AMZ1: variants seen among roughly 807,000 people sequenced by gnomAD.
AMZ1 encodes the protein archaelysin family metallopeptidase 1, also known as archaemetzincin-1.
Under a neutral mutation model 29.9 loss-of-function variants are expected in AMZ1, and 39 were observed. The observed-to-expected ratio is 1.30, with a 90% CI of 1.01 to 1.70. The LOEUF (loss-of-function observed/expected upper bound fraction) is 1.70. AMZ1 is among the 40% of genes most tolerant of loss of function. The pLI is 0.00. For synonymous variants in AMZ1, 458 were observed against 304.0 expected (o/e 1.51, Z -5.27); for missense variants, 1,041 against 680.6 (o/e 1.53, Z -5.89).
chr7:2,694,991 G>A (rs1251405845), intron 1 of AMZ1, among the ~76,000 whole-genome samples: 1 of 152,082 alleles, frequency 6.6e-6, no homozygotes, highest in Non-Finnish European at 1.5e-5. Flanking sequence ...TATATATATT[G>A]GATAAATGAA....
chr7:2,747,040 C>A (rs1317164081), intron 4 of AMZ1, among the ~76,000 whole-genome samples: 3 of 151,954 alleles, frequency 2.0e-5, no homozygotes, highest in Non-Finnish European at 4.4e-5. Flanking sequence ...GCTTACCAAC[C>A]AAAAAAAGTC....
chr7:2,707,144 G>T (rs1354201381), intron 3 of AMZ1, among the ~76,000 whole-genome samples: 1 of 151,970 alleles, frequency 6.6e-6, no homozygotes, highest in East Asian at 1.9e-4. Flanking sequence ...GTGATGGCAC[G>T]TGCCTGTAAT....
At chr7:2,726,167 G>C (rs1789607502) in intron 4 of AMZ1, among the ~76,000 whole-genome samples, 1 of 152,342 alleles carries the variant, frequency 6.6e-6, no homozygotes, top group African/African-American at 2.4e-5. Context: ...GATTTGGAAA[G>C]GCTGCATGTG....
upstream of AMZ1, chr7:2,763,467 G>A (rs1034872250): frequency 6.6e-6 from 1 of 152,320 alleles, no homozygotes; most frequent in Non-Finnish European, 1.5e-5. Flanking sequence ...AAAGCTCCCC[G>A]AGCTCCCTCA....
At chr7:2,708,543 TC>T in intron 3 of AMZ1, 44 bp from the exon 4 acceptor site, 2 of 1,605,672 alleles carry the variant, frequency 1.2e-6, no homozygotes, top group Non-Finnish European at 8.5e-7. Flanking sequence ...AAGATGGGGG[TC>T]CCCGGCTGCC....
chr7:2,698,396 A>G (rs1434085346), intron 1 of AMZ1, among the ~76,000 whole-genome samples: 1 of 151,576 alleles, frequency 6.6e-6, no homozygotes, highest in Non-Finnish European at 1.5e-5. Context: ...AAATTAGCCT[A>G]GCATGGTCGG....
At chr7:2,751,086 G>C (rs1791011741) in intron 4 of AMZ1, among the ~76,000 whole-genome samples, 1 of 152,150 alleles carries the variant, frequency 6.6e-6, no homozygotes, top group Non-Finnish European at 1.5e-5. Context: ...GAAATCTGTT[G>C]CTTTACATGC....
intron 1 of AMZ1, among the ~76,000 whole-genome samples, chr7:2,694,452 A>T (rs1787584899): frequency 6.6e-6 from 1 of 152,092 alleles, no homozygotes; most frequent in Admixed American, 6.6e-5. Context: ...GCCAATTCTC[A>T]TAATAAATCC....
intron 3 of AMZ1, 82 bp downstream of exon 3, chr7:2,702,971 G>C: frequency 6.9e-7 from 1 of 1,455,658 alleles, no homozygotes; most frequent in Non-Finnish European, 9.1e-7. Flanking sequence ...GCCCAGGAGA[G>C]GAAGGGAACC....
At chr7:2,685,068 A>G (rs1371367329), upstream of AMZ1, among the ~76,000 whole-genome samples, 1 of 150,660 alleles carries the variant, frequency 6.6e-6, no homozygotes, top group Admixed American at 6.6e-5. Flanking sequence ...ATGGAGTTTC[A>G]CTGTGTTAGC....
At chr7:2,699,648 G>C (rs1787937710) in intron 1 of AMZ1, among the ~76,000 whole-genome samples, 1 of 152,184 alleles carries the variant, frequency 6.6e-6, no homozygotes, top group Non-Finnish European at 1.5e-5. Context: ...CTAGGTGATA[G>C]GGGCTCTGGG....
At chr7:2,744,747 T>C (rs933346462) in intron 4 of AMZ1, among the ~76,000 whole-genome samples, 17 of 151,922 alleles carry the variant, frequency 1.1e-4, no homozygotes, top group Admixed American at 1.0e-3. Flanking sequence ...TTCGAACCAA[T>C]GGCAAAGAAG....
intron 2 of AMZ1, among the ~76,000 whole-genome samples, chr7:2,701,316 C>A (rs936395784): frequency 8.6e-5 from 13 of 151,938 alleles, no homozygotes; most frequent in Non-Finnish European, 1.5e-4. Context: ...GGGAGAGGTC[C>A]CTTGACCTGT....
upstream of AMZ1, among the ~76,000 whole-genome samples, chr7:2,687,909 C>A (rs77570952): frequency 0.018 from 2,783 of 152,224 alleles, 80 homozygotes; most frequent in African/African-American, 0.064. Context: ...CTTCACCTGG[C>A]GCCTTGCAGA....
At chr7:2,689,453 A>G (rs75495625) in intron 1 of AMZ1, among the ~76,000 whole-genome samples, 2,082 of 152,130 alleles carry the variant, frequency 0.014, 40 homozygotes, top group African/African-American at 0.048. Context: ...GTCTGAGTTT[A>G]CCCATGGTAT....
chr7:2,702,828 C>T lies in AMZ1; in HGVS notation c.411C>T (p.Ala137=), dbSNP rs370765395. The T allele has an allele frequency of 3.8e-5, 59 of 1,567,778 alleles. No individual in the cohort carries two copies. The highest frequency in any genetic ancestry group is 1.7e-4 in the Middle Eastern group (1 of 6,006). ...LRVKCLPSVA[A]ASIRCSSRPS... ...TCAAGTGCCTGCCGTCGGTGGCAGC[C>T]GCGTCCATCCGCTGCTCCTCGCGGC... The change falls in exon 3 of 7, where the codon GCC becomes GCT. Residue 137 remains alanine (A), a synonymous_variant. Coordinates refer to ENST00000683327, the MANE Select transcript of AMZ1 (RefSeq NM_001384743.1).
rs73675027 is a variant in AMZ1, at chr7:2,708,118, C to A, written c.473-470C>A. ...CATCACAGGTGTGAGCCACTGTGCC[C>A]GGCCTTACCGAGGGTTCTTGTGATG... On this transcript the variant is annotated intron_variant, in intron 3 of 6. Coordinates refer to ENST00000683327, the MANE Select transcript of AMZ1 (RefSeq NM_001384743.1). 7.1e-3 allele frequency among the ~76,000 whole-genome samples: 1,088 copies of A among 152,250 alleles called. 16 individuals carry two copies. The highest frequency in any genetic ancestry group is 0.025 in the African/African-American group (1,045 of 41,530).
chr7:2,717,241 G>A lies in AMZ1; in HGVS notation c.*4363G>A, dbSNP rs1449314589. ...TGATTTGTTTTGTTTATAAAAGGAG[G>A]GCGAGGCCTGCACAGGAATATTTTT... On this transcript the variant is annotated 3_prime_UTR_variant, in exon 7 of 7. Transcript: ENST00000683327. Among the ~76,000 whole-genome samples the A allele has an allele frequency of 6.6e-6, 1 of 152,182 alleles. No individual in the cohort carries two copies. Among genetic ancestry groups the A allele is most frequent in the Non-Finnish European group, 1.5e-5 (1 of 68,034 alleles).
chr7:2,691,149 AAG>A (rs1787364443), intron 1 of AMZ1, among the ~76,000 whole-genome samples: 1 of 147,084 alleles, frequency 6.8e-6, no homozygotes, highest in South Asian at 2.1e-4. Context: ...AAAAAAAAAA[AAG>A]CATTTCTCAT....
Sources: gnomAD v4.1 joint callset for allele counts (sites outside exome capture counted in the v4.1 genomes callset) on GRCh38, gnomAD v4.1.1 for gene constraint, MANE v1.5 for transcripts, NCBI Gene and HGNC (gene_info 2026-07-23, HGNC 2026-07-21) for gene names.